The following VDAC1 variants were observed in gnomAD, a reference collection of about 807,000 sequenced individuals.
VDAC1 encodes the protein non-selective voltage-gated ion channel VDAC1.
In VDAC1, 10 loss-of-function variants were observed where a neutral mutation model predicts 34.7. The observed-to-expected ratio is 0.29, with a 90% CI of 0.18 to 0.49. VDAC1 has a LOEUF of 0.49. Among genes scored for constraint, VDAC1 ranks in the 20% least tolerant of loss-of-function variants. The pLI, the probability that VDAC1 is intolerant of heterozygous loss-of-function variation, is 0.99. For missense variants in VDAC1, 230 were observed against 347.9 expected (o/e 0.66, Z 2.69); for synonymous variants, 130 against 136.0 (o/e 0.96, Z 0.30).
chr5:134,112,940 G>C, the VDAC1 span, among the ~76,000 whole-genome samples: 1 of 152,174 alleles, frequency 6.6e-6, no homozygotes, highest in African/African-American at 2.4e-5. Flanking sequence ...CTGAACCAGG[G>C]TTCCCTACAA....
chr5:134,060,880 C>CTTTTTTTTTTTTTT, the VDAC1 span, among the ~76,000 whole-genome samples: 280 of 98,652 alleles, frequency 2.8e-3, 23 homozygotes, highest in African/African-American at 5.6e-3. Flanking sequence ...TCTTCTTCTT[C>CTTTTTTTTTTTTTT]TTTTTTTTTT....
the VDAC1 span, among the ~76,000 whole-genome samples, chr5:134,010,544 G>A: frequency 6.6e-6 from 1 of 151,402 alleles, no homozygotes; most frequent in African/African-American, 2.4e-5. Context: ...GTTGCAGTGA[G>A]CCGAGATCAC....
the VDAC1 span, among the ~76,000 whole-genome samples, chr5:134,038,665 G>T: frequency 1.3e-5 from 2 of 152,176 alleles, no homozygotes. Context: ...CAAGTCTTTT[G>T]TCTTTGCCTG....
chr5:134,110,601 G>A, the VDAC1 span, among the ~76,000 whole-genome samples: 1 of 152,250 alleles, frequency 6.6e-6, no homozygotes, highest in African/African-American at 2.4e-5. Flanking sequence ...TGCCCTGAGA[G>A]GATGCTCCAT....
chr5:134,093,311 T>C, the VDAC1 span, among the ~76,000 whole-genome samples: 1 of 152,130 alleles, frequency 6.6e-6, no homozygotes, highest in Non-Finnish European at 1.5e-5. Flanking sequence ...GTGTGAGGTA[T>C]GGTGAGGAAG....
the VDAC1 span, among the ~76,000 whole-genome samples, chr5:134,111,523 C>T: frequency 4.6e-5 from 7 of 151,996 alleles, no homozygotes; most frequent in East Asian, 1.9e-4. Context: ...CAGGTGGCCT[C>T]GGGTGGGCTC....
intron 5 of VDAC1, 33 bp downstream of exon 5, chr5:133,990,822 C>G: frequency 6.6e-7 from 1 of 1,517,668 alleles, no homozygotes; most frequent in South Asian, 1.3e-5. Context: ...CATCAGAGAA[C>G]ATCCTTGTGG....
intron 8 of VDAC1, among the ~76,000 whole-genome samples, chr5:133,973,541 TG>T: frequency 6.6e-6 from 1 of 152,342 alleles, no homozygotes; most frequent in East Asian, 1.9e-4. Context: ...GAAAAAAGGA[TG>T]GAAGAAAATA....
At chr5:134,105,741 G>A in the VDAC1 span, among the ~76,000 whole-genome samples, 1 of 152,248 alleles carries the variant, frequency 6.6e-6, no homozygotes, top group Admixed American at 6.5e-5. Context: ...CCTGTGCCTT[G>A]CTCCTGGAGG....
chr5:134,070,437 C>T, the VDAC1 span, among the ~76,000 whole-genome samples: 3 of 152,108 alleles, frequency 2.0e-5, no homozygotes, highest in Admixed American at 6.5e-5. Flanking sequence ...TGAGCCACCA[C>T]GCCTGGCTGA....
chr5:134,069,201 C>T, the VDAC1 span, among the ~76,000 whole-genome samples: 3,128 of 152,184 alleles, frequency 0.021, 47 homozygotes, highest in Non-Finnish European at 0.033. Context: ...GAAACAAAAA[C>T]TTCAAAGGAT....
At chr5:133,998,490 G>A (rs1346764343) in intron 1 of VDAC1, among the ~76,000 whole-genome samples, 5 of 152,174 alleles carry the variant, frequency 3.3e-5, no homozygotes, top group African/African-American at 9.6e-5. Flanking sequence ...AGCCAAGATC[G>A]TGCCACTGCA....
chr5:134,069,966 C>T, the VDAC1 span, among the ~76,000 whole-genome samples: 1 of 152,062 alleles, frequency 6.6e-6, no homozygotes, highest in Admixed American at 6.6e-5. Flanking sequence ...TCACCAGCAC[C>T]CTGACAGTTT....
the VDAC1 span, among the ~76,000 whole-genome samples, chr5:134,072,084 C>G: frequency 6.6e-6 from 1 of 152,118 alleles, no homozygotes; most frequent in Non-Finnish European, 1.5e-5. Context: ...GCAGCTCGCC[C>G]TAGGGTCCAG....
chr5:134,021,840 G>A, the VDAC1 span, among the ~76,000 whole-genome samples: 1 of 151,438 alleles, frequency 6.6e-6, no homozygotes, highest in Non-Finnish European at 1.5e-5. Context: ...AAGCACCCAA[G>A]TAATACTGGA....
At chr5:134,075,588 T>C in the VDAC1 span, among the ~76,000 whole-genome samples, 13 of 152,340 alleles carry the variant, frequency 8.5e-5, no homozygotes, top group African/African-American at 3.1e-4. Context: ...GTTTGTTTTT[T>C]GTTTTTTGTT....
rs1409192520 is a variant in VDAC1 at position 134,004,895 on chromosome 5, C to T, written c.-7G>A. On this transcript the variant is annotated splice_region_variant and 5_prime_UTR_variant, in exon 1 of 9. Coordinates refer to ENST00000265333, the MANE Select transcript of VDAC1 (RefSeq NM_003374.3). The stretch of plus-strand genomic sequence containing the variant: ...TCCCGCTAGCGAGCCGCGTTCTTAC[C>T]CTTCCGGGCCCCGCTGCCCCGGCAG... 1 of 151,994 alleles carries T rather than the reference C, an allele frequency of 6.6e-6. No homozygotes were observed. Among genetic ancestry groups the T allele is most frequent in the African/African-American group, 2.4e-5 (1 of 41,422 alleles). 9.4% of individuals were successfully genotyped at this position (151,994 alleles called of 1,614,324 possible). A position where few individuals can be genotyped will look rare whatever the true frequency, so the allele number is the denominator to read the frequency against.
upstream of VDAC1, among the ~76,000 whole-genome samples, chr5:134,006,296 G>A (rs1263433240): frequency 6.6e-6 from 1 of 152,192 alleles, no homozygotes; most frequent in East Asian, 1.9e-4. Flanking sequence ...GGCAGGGGGA[G>A]GACAAGAACT....
At chr5:134,014,493 G>A in the VDAC1 span, among the ~76,000 whole-genome samples, 3 of 152,202 alleles carry the variant, frequency 2.0e-5, no homozygotes, top group Non-Finnish European at 2.9e-5. Flanking sequence ...TGGTGGGAAT[G>A]TAAATTAGTT....
Sources: allele counts gnomAD v4.1 joint callset (sites outside exome capture counted in the v4.1 genomes callset), GRCh38; gene constraint gnomAD v4.1.1; transcripts MANE v1.5; gene names NCBI Gene and HGNC (gene_info 2026-07-23, HGNC 2026-07-21).